WDR17: variants seen among roughly 807,000 people sequenced by gnomAD.
WDR17 encodes WD repeat domain 17, also known as WD repeat-containing protein 17.
In WDR17, 143 loss-of-function variants were observed where a neutral mutation model predicts 161.7. The observed-to-expected ratio is 0.88, with a 90% CI of 0.77 to 1.02. The LOEUF is 1.02. Among genes scored for constraint, WDR17 ranks in the 50% least tolerant of loss-of-function variants. The pLI is 0.00. For missense variants in WDR17, 1,469 were observed against 1,520.9 expected (o/e 0.97, Z 0.57); for synonymous variants, 517 against 515.6 (o/e 1.00, Z -0.04).
At chr4:176,174,504 T>C in intron 25 of WDR17, 113 bp from the exon 26 acceptor site, 1 of 673,292 alleles carries the variant, frequency 1.5e-6, no homozygotes, top group Non-Finnish European at 2.3e-6. Flanking sequence ...TCTAAACATA[T>C]ATTGCTATAA....
chr4:176,083,544 T>C (rs138616659), intron 1 of WDR17, among the ~76,000 whole-genome samples: 4 of 152,258 alleles, frequency 2.6e-5, no homozygotes, highest in African/African-American at 9.6e-5. Context: ...TTATTCTCAT[T>C]ATTATGAACT....
At chr4:176,079,494 T>C (rs1734475696) in intron 1 of WDR17, among the ~76,000 whole-genome samples, 1 of 152,142 alleles carries the variant, frequency 6.6e-6, no homozygotes. Context: ...TCTTAATGCT[T>C]TTAAAAATTT....
chr4:176,116,826 T>C (rs935985709), intron 3 of WDR17, among the ~76,000 whole-genome samples: 75 of 152,050 alleles, frequency 4.9e-4, no homozygotes, highest in African/African-American at 1.7e-3. Flanking sequence ...TAATATCTTT[T>C]GTAACTTTTA....
intron 20 of WDR17, among the ~76,000 whole-genome samples, chr4:176,161,571 G>T (rs1358764727): frequency 6.6e-6 from 1 of 151,852 alleles, no homozygotes; most frequent in Non-Finnish European, 1.5e-5. Flanking sequence ...TAGAAAATAG[G>T]ATATTTAAAC....
At chr4:176,088,036 T>G (rs151272565) in intron 1 of WDR17, among the ~76,000 whole-genome samples, 8,877 of 151,880 alleles carry the variant, frequency 0.058, 568 homozygotes, top group African/African-American at 0.16. Context: ...TAGAGACAGG[T>G]TTTCACCATG....
chr4:176,165,988 A>C (rs1031640287), intron 22 of WDR17: 3 of 434,014 alleles, frequency 6.9e-6, no homozygotes, highest in Non-Finnish European at 8.3e-6. Context: ...TTTTTAAAAG[A>C]TAGCTACATC....
At chr4:176,167,206 T>A (rs1051677984) in intron 22 of WDR17, among the ~76,000 whole-genome samples, 38 of 152,306 alleles carry the variant, frequency 2.5e-4, no homozygotes, top group African/African-American at 7.5e-4. Context: ...AAATGACTAA[T>A]GTAGATTTTA....
chr4:176,168,633 T>C, intron 22 of WDR17, 39 bp from the exon 23 acceptor site: 1 of 1,610,536 alleles, frequency 6.2e-7, no homozygotes, highest in East Asian at 2.2e-5. Context: ...TTTTTAAATC[T>C]TCTCCTCAAT....
chr4:176,178,633 G>T, intron 28 of WDR17, among the ~76,000 whole-genome samples: 1 of 152,166 alleles, frequency 6.6e-6, no homozygotes, highest in East Asian at 1.9e-4. Context: ...TCAACAGAAA[G>T]TTGACGTGTT....
chr4:176,162,205 GA>G, intron 21 of WDR17, 31 bp downstream of exon 21: 1 of 1,592,434 alleles, frequency 6.3e-7, no homozygotes, highest in Non-Finnish European at 8.6e-7. Context: ...TTATGTGAAT[GA>G]AAAGTTTTTT....
At chr4:176,176,194 T>A (rs1751435395) in intron 26 of WDR17, among the ~76,000 whole-genome samples, 1 of 151,990 alleles carries the variant, frequency 6.6e-6, no homozygotes. Flanking sequence ...ATTAAATTAA[T>A]ATCAAAAAGA....
intron 1 of WDR17, among the ~76,000 whole-genome samples, chr4:176,108,095 G>A (rs1739088901): frequency 6.6e-6 from 1 of 151,796 alleles, no homozygotes; most frequent in South Asian, 2.1e-4. Flanking sequence ...CTGGAGTGCA[G>A]TAGCATGGTC....
chr4:176,167,663 A>ACAAC (rs1481860904), intron 22 of WDR17, among the ~76,000 whole-genome samples: 2 of 134,766 alleles, frequency 1.5e-5, no homozygotes, highest in African/African-American at 5.4e-5. Flanking sequence ...AAAAAAAAAA[A>ACAAC]AAAAAAAAAC....
Position 176,173,354 on chromosome 4 carries a change from T to G in WDR17, c.3332T>G (p.Leu1111Trp). 6.2e-7 allele frequency: 1 copy of G among 1,610,824 alleles called. No homozygotes were observed. Among genetic ancestry groups the G allele is most frequent in the Non-Finnish European group, 8.5e-7 (1 of 1,177,910 alleles). Residue 1111 changes from leucine to tryptophan, a missense_variant, in exon 25 of 29, where the codon TTG becomes TGG. Coordinates refer to ENST00000508596, the MANE Select transcript of WDR17 (RefSeq NM_181265.4). ...LSYIRTEKLLLHTCTEARNEL... is the reference protein window; with the variant it reads ...LSYIRTEKLLWHTCTEARNEL... ...TATATTCGTACTGAAAAATTACTCT[T>G]GCATACGTGTACTGAGTGAGTATTT... is the stretch of plus-strand genomic sequence containing the variant.
intron 1 of WDR17, among the ~76,000 whole-genome samples, chr4:176,097,757 A>C (rs539831887): frequency 6.6e-6 from 1 of 151,120 alleles, no homozygotes; most frequent in East Asian, 2.0e-4. Flanking sequence ...ACACACACAC[A>C]CACACACACA....
At chr4:176,165,812 A>G (rs1391401156) in intron 22 of WDR17, among the ~76,000 whole-genome samples, 1 of 152,220 alleles carries the variant, frequency 6.6e-6, no homozygotes, top group Non-Finnish European at 1.5e-5. Context: ...ACTTTTAAGA[A>G]AAAACAAACT....
chr4:176,128,696 T>C, intron 5 of WDR17, 42 bp from the exon 6 acceptor site: 1 of 1,580,614 alleles, frequency 6.3e-7, no homozygotes. Context: ...TTTAGTTTCA[T>C]ACAAAACTTG....
intron 2 of WDR17, 98 bp downstream of exon 2, chr4:176,111,801 C>G (rs1417445862): frequency 9.3e-6 from 10 of 1,081,024 alleles, no homozygotes; most frequent in Admixed American, 3.9e-5. Context: ...AAACATAATG[C>G]TATAATTCCA....
At chr4:176,110,382 TC>T (rs1739504223) in intron 1 of WDR17, among the ~76,000 whole-genome samples, 1 of 152,162 alleles carries the variant, frequency 6.6e-6, no homozygotes, top group Non-Finnish European at 1.5e-5. Flanking sequence ...CTCTTCGGCC[TC>T]CCAAAGAGCT....
Sources: gnomAD v4.1 joint callset for allele counts (sites outside exome capture counted in the v4.1 genomes callset) on GRCh38, gnomAD v4.1.1 for gene constraint, MANE v1.5 for transcripts, NCBI Gene and HGNC (gene_info 2026-07-23, HGNC 2026-07-21) for gene names.